SORCS2: variants seen among roughly 807,000 people sequenced by gnomAD.
SORCS2 encodes the protein sortilin related VPS10 domain containing receptor 2, also known as VPS10 domain-containing receptor SorCS2.
A neutral mutation model predicts 141.6 loss-of-function variants in SORCS2; 100 were observed. That is an observed-to-expected ratio of 0.71 (90% CI 0.60 to 0.83). The LOEUF is 0.83. Ranked by LOEUF, SORCS2 falls within the 40% of genes least tolerant of loss-of-function variation. The probability of loss-of-function intolerance (pLI) is 0.00; values close to 1 mark genes in which losing one functional copy is unlikely to be tolerated. For missense variants in SORCS2, 1,646 were observed against 1,560.2 expected (o/e 1.05, Z -0.93); for synonymous variants, 789 against 676.9 (o/e 1.17, Z -2.57).
chr4:7,734,348 A>T lies in SORCS2; in HGVS notation c.3285A>T (p.Gly1095=). Residue 1095 remains glycine, a synonymous_variant, in exon 25 of 27, where the codon GGA becomes GGT. Transcript: ENST00000507866. ...TTGTCATCGGGCTCTTCGCAGCGGG[A>T]GCCTTCATCCTCTACAAGTTCAAAA... ...VLFVIGLFAA[G]AFILYKFKRK... 6.3e-7 allele frequency: 1 copy of T among 1,581,734 alleles called. No individual in the cohort carries two copies. Among genetic ancestry groups the T allele is most frequent in the Non-Finnish European group, 8.6e-7 (1 of 1,164,302 alleles).
intron 2 of SORCS2, chr4:7,434,133 C>A (rs766321274): frequency 6.2e-7 from 1 of 1,613,574 alleles, no homozygotes; most frequent in Admixed American, 1.7e-5. Context: ...ATCCCCCCTT[C>A]CTGCAGAGCT....
chr4:7,221,695 G>T (rs991049422), intron 1 of SORCS2, among the ~76,000 whole-genome samples: 1 of 152,242 alleles, frequency 6.6e-6, no homozygotes, highest in African/African-American at 2.4e-5. Context: ...AGGGATGGGA[G>T]GCAAAAGCCA....
intron 1 of SORCS2, among the ~76,000 whole-genome samples, chr4:7,238,273 G>C (rs1007212838): frequency 2.7e-5 from 4 of 148,288 alleles, no homozygotes; most frequent in Non-Finnish European, 5.9e-5. Context: ...GAAGAGGCTG[G>C]GGAGGTAGAG....
rs181152600 is a variant in SORCS2, at chr4:7,201,448, C to T, written c.480+8322C>T. Reference sequence around the variant, plus strand: ...CATAAATTAGCCTCATTCCTCGGCACGCCCCTCAGATGAGAAGGCAGCCCA... The same window carrying T: ...CATAAATTAGCCTCATTCCTCGGCATGCCCCTCAGATGAGAAGGCAGCCCA... On this transcript the variant is annotated intron_variant, in intron 1 of 26. Transcript: ENST00000507866. This position sits in a 1 kb window ranked among gnomAD's most constrained non-coding sequence, Gnocchi z 4.4. Among the ~76,000 whole-genome samples the T allele has an allele frequency of 3.7e-4, 56 of 152,328 alleles. No homozygotes were observed. The highest frequency in any genetic ancestry group is 2.4e-3 in the Admixed American group (37 of 15,302).
intron 2 of SORCS2, among the ~76,000 whole-genome samples, chr4:7,427,395 G>T (rs1034330338): frequency 6.6e-6 from 1 of 152,212 alleles, no homozygotes; most frequent in Non-Finnish European, 1.5e-5. Flanking sequence ...TTTGGAAAGA[G>T]AGGGGGGCCA....
chr4:7,724,169 G>GTGATGGTCGTGGTGGTGATGGTGA (rs1726835847), intron 19 of SORCS2, among the ~76,000 whole-genome samples: 130 of 147,582 alleles, frequency 8.8e-4, no homozygotes, highest in African/African-American at 3.0e-3. Flanking sequence ...GGTGATGGTG[G>GTGATGGTCGTGGTGGTGATGGTGA]TGATGGTGAT....
intron 2 of SORCS2, among the ~76,000 whole-genome samples, chr4:7,483,742 C>T (rs1730800647): frequency 6.6e-6 from 1 of 151,570 alleles, no homozygotes; most frequent in African/African-American, 2.4e-5. Flanking sequence ...GAATTAGAGT[C>T]TCCAGGGGGT....
chr4:7,675,751 G>A (rs143518438), intron 8 of SORCS2, among the ~76,000 whole-genome samples: 205 of 152,322 alleles, frequency 1.3e-3, no homozygotes, highest in Non-Finnish European at 2.4e-3. Flanking sequence ...ATGGATGGAC[G>A]GCCTGATGTG....
intron 11 of SORCS2, among the ~76,000 whole-genome samples, chr4:7,690,247 G>A (rs1724144144): frequency 6.9e-6 from 1 of 145,772 alleles, no homozygotes; most frequent in African/African-American, 2.5e-5. Flanking sequence ...ATGGATAGAT[G>A]CTGAATTGAT....
chr4:7,411,091 G>A (rs1441093016), intron 2 of SORCS2, among the ~76,000 whole-genome samples: 2 of 151,500 alleles, frequency 1.3e-5, no homozygotes, highest in Admixed American at 6.6e-5. Flanking sequence ...GAGTAGCTGG[G>A]ACTACAGGCA....
At chr4:7,242,527 G>T (rs1342051242) in intron 1 of SORCS2, among the ~76,000 whole-genome samples, 1 of 151,476 alleles carries the variant, frequency 6.6e-6, no homozygotes, top group African/African-American at 2.4e-5. Flanking sequence ...TGAATCTTTA[G>T]CTCACTGCGT....
At chr4:7,553,904 CTTGAAG>C (rs1713912848) in intron 3 of SORCS2, among the ~76,000 whole-genome samples, 1 of 152,094 alleles carries the variant, frequency 6.6e-6, no homozygotes, top group Non-Finnish European at 1.5e-5. Context: ...TTGATGTGAA[CTTGAAG>C]TTGAGGAATA....
At chr4:7,468,300 G>T (rs1047802745) in intron 2 of SORCS2, among the ~76,000 whole-genome samples, 2 of 152,296 alleles carry the variant, frequency 1.3e-5, no homozygotes, top group African/African-American at 4.8e-5. Context: ...CTTGTTGATG[G>T]TGACTGAGTC....
At chr4:7,712,072 C>G (rs927666862) in intron 14 of SORCS2, among the ~76,000 whole-genome samples, 2 of 152,156 alleles carry the variant, frequency 1.3e-5, no homozygotes, top group African/African-American at 4.8e-5. Context: ...CAGGCCTGTA[C>G]CATACATGAC....
In SORCS2 at chr4:7,261,329, C is replaced by T. The variant is rs1157598188; in HGVS notation, c.480+68203C>T. Among the ~76,000 whole-genome samples the T allele has an allele frequency of 2.0e-5, 3 of 152,192 alleles. No homozygotes were observed. In the East Asian group the frequency reaches 5.8e-4, roughly 29 times the overall value. Reference sequence around the variant, plus strand: ...GTCTCCCAGAGCAGCCCAGACAGGGCTCTGCGACGGCCATAAATGTGTCAT... The same window carrying T: ...GTCTCCCAGAGCAGCCCAGACAGGGTTCTGCGACGGCCATAAATGTGTCAT... On this transcript the variant is annotated intron_variant, in intron 1 of 26. Coordinates refer to ENST00000507866, the MANE Select transcript of SORCS2 (RefSeq NM_020777.3).
chr4:7,318,872 G>A (rs930083356), intron 1 of SORCS2, among the ~76,000 whole-genome samples: 21 of 152,144 alleles, frequency 1.4e-4, no homozygotes, highest in Admixed American at 4.6e-4. Context: ...AATCCCTTGC[G>A]TGCCTTAGTA....
chr4:7,203,824 A>G (rs993328352), intron 1 of SORCS2, among the ~76,000 whole-genome samples: 1 of 148,948 alleles, frequency 6.7e-6, no homozygotes, highest in African/African-American at 2.5e-5. Flanking sequence ...AACCCCCATC[A>G]CCCTCCTCCA....
At chr4:7,275,020 G>C (rs1464839790) in intron 1 of SORCS2, among the ~76,000 whole-genome samples, 3 of 152,174 alleles carry the variant, frequency 2.0e-5, no homozygotes, top group African/African-American at 7.2e-5. Flanking sequence ...CACCACCTAA[G>C]CCTGACACCT....
chr4:7,239,035 G>A (rs114851915), intron 1 of SORCS2, among the ~76,000 whole-genome samples: 1 of 152,212 alleles, frequency 6.6e-6, no homozygotes, highest in African/African-American at 2.4e-5. Context: ...GCAGGGAGCT[G>A]GGCACAGCAC....
Sources: allele counts gnomAD v4.1 joint callset (sites outside exome capture counted in the v4.1 genomes callset), GRCh38; gene constraint gnomAD v4.1.1; non-coding constraint Gnocchi (gnomAD v3.1); transcripts MANE v1.5; gene names NCBI Gene and HGNC (gene_info 2026-07-23, HGNC 2026-07-21).